Variants in HERC4 observed in about 807,000 individuals in gnomAD.
The protein encoded by HERC4 is HECT and RLD domain containing E3 ubiquitin protein ligase 4.
HERC4 carries 28 observed loss-of-function variants against 124.3 expected under a neutral mutation model. The observed-to-expected ratio is 0.23, with a 90% CI of 0.17 to 0.31. HERC4 has a LOEUF of 0.31. Among genes scored for constraint, HERC4 ranks in the 10% least tolerant of loss-of-function variants. The pLI is 1.00. For missense variants in HERC4, 713 were observed against 1,229.3 expected, an observed-to-expected ratio of 0.58 and a Z score of 6.28; for synonymous variants, 407 against 421.5, an observed-to-expected ratio of 0.97 and a Z score of 0.42.
chr10:67,990,986 C>T lies in HERC4; in HGVS notation c.1361G>A (p.Arg454Lys). The T allele has an allele frequency of 6.2e-7, 1 of 1,605,824 alleles. No homozygotes were observed. Among genetic ancestry groups the T allele is most frequent in the East Asian group, 2.2e-5 (1 of 44,636 alleles). ...SNDDHYRTGT[R>K]FSGVDMNAAR... ...AGCATTCATATCAACCCCTGAAAATCTGGTACCTGTTCTATAGTGATCATC... is the reference window on the plus strand; with the variant it reads ...AGCATTCATATCAACCCCTGAAAATTTGGTACCTGTTCTATAGTGATCATC... Residue 454 changes from arginine to lysine, a missense_variant, in exon 13 of 25, where the codon AGA (arginine) becomes AAA (lysine). By Grantham distance (26) the Arg-to-Lys change is conservative. Coordinates refer to ENST00000373700, the MANE Select transcript of HERC4 (RefSeq NM_015601.4).
chr10:68,030,826 C>A (rs1185523665), intron 7 of HERC4, among the ~76,000 whole-genome samples: 1 of 152,158 alleles, frequency 6.6e-6, no homozygotes, highest in Non-Finnish European at 1.5e-5. Context: ...AATGTGACAT[C>A]TTTATGGAAG....
intron 15 of HERC4, among the ~76,000 whole-genome samples, chr10:67,973,415 C>T (rs2035372401): frequency 6.6e-6 from 1 of 152,250 alleles, no homozygotes; most frequent in South Asian, 2.1e-4. Context: ...TAAAACAAGG[C>T]CCAATCCCGT....
intron 8 of HERC4, among the ~76,000 whole-genome samples, chr10:68,017,418 G>C (rs1158241859): frequency 1.3e-5 from 2 of 152,150 alleles, no homozygotes; most frequent in African/African-American, 4.8e-5. Context: ...ACTATTATAT[G>C]TCACTGACAT....
intron 7 of HERC4, 108 bp downstream of exon 7, chr10:68,032,670 A>T (rs992021176): frequency 9.3e-5 from 56 of 600,016 alleles, no homozygotes; most frequent in Admixed American, 1.6e-4. Context: ...TTATTTTTGA[A>T]ATACCAATAA....
At chr10:68,069,331 GA>G in intron 3 of HERC4, 2 of 981,998 alleles carry the variant, frequency 2.0e-6, no homozygotes, top group Non-Finnish European at 2.4e-6. Flanking sequence ...AAGTTCTTAT[GA>G]AGAAAAAAAC....
In HERC4 at chr10:68,070,086, A is replaced by G. The variant is rs779624886; in HGVS notation, c.226+2797T>C. 5.7e-5 allele frequency: 56 copies of G among 984,764 alleles called. 1 individual carries two copies. The highest frequency in any genetic ancestry group is 6.1e-5 in the Non-Finnish European group (51 of 829,398). The allele number at this position is 984,764 out of a possible 1,614,324, so 61.0% of individuals were successfully genotyped here. On this transcript the variant is annotated intron_variant, in intron 3 of 24. Coordinates refer to ENST00000373700, the MANE Select transcript of HERC4 (RefSeq NM_015601.4). ...AAAACAAAACAAAAACCTCCTGGGAAATGAACTATGTTTATTACATTGTCC... is the reference window on the plus strand; with the variant it reads ...AAAACAAAACAAAAACCTCCTGGGAGATGAACTATGTTTATTACATTGTCC...
chr10:67,954,796 G>C (rs981607709), intron 18 of HERC4, 58 bp from the exon 19 acceptor site: 46 of 1,522,580 alleles, frequency 3.0e-5, no homozygotes, highest in Non-Finnish European at 4.1e-5. Flanking sequence ...GTACATTCTG[G>C]AGACCCTAGA....
At chr10:68,030,926 AG>A (rs1452852283) in intron 7 of HERC4, among the ~76,000 whole-genome samples, 1 of 152,194 alleles carries the variant, frequency 6.6e-6, no homozygotes, top group Non-Finnish European at 1.5e-5. Context: ...AGTTTTCCTA[AG>A]GTAGGTTTTG....
chr10:68,016,952 A>G (rs2038308200), intron 8 of HERC4, among the ~76,000 whole-genome samples: 1 of 152,198 alleles, frequency 6.6e-6, no homozygotes. Flanking sequence ...ACAAAGGACT[A>G]ATAGAGTATG....
At chr10:67,959,179 A>G in intron 16 of HERC4, 1 of 1,534,994 alleles carries the variant, frequency 6.5e-7, no homozygotes, top group Non-Finnish European at 8.8e-7. Flanking sequence ...AGGAAAGAGC[A>G]ATATTAGTGT....
intron 8 of HERC4, among the ~76,000 whole-genome samples, chr10:68,019,031 T>G (rs1320844905): frequency 2.0e-5 from 3 of 149,256 alleles, no homozygotes; most frequent in Admixed American, 6.7e-5. Context: ...AGTTTCACTC[T>G]TGTTGCCCAG....
chr10:68,037,347 C>T (rs879373594), intron 5 of HERC4, among the ~76,000 whole-genome samples: 3 of 152,046 alleles, frequency 2.0e-5, no homozygotes, highest in African/African-American at 4.8e-5. Flanking sequence ...CTGCCCATCT[C>T]GGCCTCCCAA....
In HERC4 at chr10:67,929,819, A is replaced by ATTTTTTTTTTTTT. The variant is rs561065364; in HGVS notation, c.2838+2777_2838+2778insAAAAAAAAAAAAA. Among the ~76,000 whole-genome samples, 188 of 143,300 alleles carry ATTTTTTTTTTTTT rather than the reference A, an allele frequency of 1.3e-3. 1 individual carries two copies. Among genetic ancestry groups the ATTTTTTTTTTTTT allele is most frequent in the African/African-American group, 4.2e-3 (155 of 37,278 alleles). The allele number at this position is 143,300 out of a possible 152,430, so 94.0% of individuals were successfully genotyped here. A position where few individuals can be genotyped will look rare whatever the true frequency, so the allele number is the denominator to read the frequency against. ...TGTGAGACACCACACCCAGCTGTGCATTTTTTTTTTGAGATGGAGTTTCAC... is the reference window on the plus strand; with the variant it reads ...TGTGAGACACCACACCCAGCTGTGCATTTTTTTTTTTTTTTTTTTTTTTGAGATGGAGTTTCAC... On this transcript the variant is annotated intron_variant, in intron 23 of 24. Coordinates refer to ENST00000373700, the MANE Select transcript of HERC4 (RefSeq NM_015601.4).
intron 7 of HERC4, 97 bp downstream of exon 7, chr10:68,032,681 C>T (rs2133355346): frequency 1.5e-6 from 1 of 656,570 alleles, no homozygotes. Context: ...ATACCAATAA[C>T]ACTCAAGTTA....
intron 15 of HERC4, among the ~76,000 whole-genome samples, chr10:67,969,708 T>C (rs901036615): frequency 6.6e-6 from 1 of 151,928 alleles, no homozygotes; most frequent in African/African-American, 2.4e-5. Flanking sequence ...CTCAGAATCT[T>C]ATATCAGTAG....
chr10:67,948,099 A>C, intron 19 of HERC4, among the ~76,000 whole-genome samples: 1 of 130,316 alleles, frequency 7.7e-6, no homozygotes, highest in East Asian at 4.9e-4. Context: ...TATAGGATGC[A>C]AAAATAGTGT....
intron 3 of HERC4, among the ~76,000 whole-genome samples, chr10:68,044,805 A>C (rs1213084939): frequency 2.0e-5 from 3 of 152,168 alleles, no homozygotes; most frequent in African/African-American, 7.2e-5. Context: ...GGGCATAATC[A>C]ACTCAGAATA....
intron 15 of HERC4, among the ~76,000 whole-genome samples, chr10:67,977,445 C>T (rs2035662658): frequency 6.6e-6 from 1 of 152,170 alleles, no homozygotes. Flanking sequence ...TTGAGTGAGC[C>T]TGAAACTTCC....
Position 68,044,398 on chromosome 10 carries a change from TG to T in HERC4, c.386+5del, listed in dbSNP as rs564811403. 6.8e-5 allele frequency: 109 copies of T among 1,604,096 alleles called. 1 individual carries two copies. The South Asian group carries it at 1.1e-3, about 17-fold the overall frequency. ...TTAAGGACCTCTTTCTGGTCACCTTTGTTACCTGGGTACTCTGATGCATTCC... is the reference window on the plus strand; with the variant it reads ...TTAAGGACCTCTTTCTGGTCACCTTTTTACCTGGGTACTCTGATGCATTCC... On this transcript the variant is annotated splice_donor_5th_base_variant and intron_variant, in intron 4 of 24. Transcript: ENST00000373700.
Sources: allele counts gnomAD v4.1 joint callset (sites outside exome capture counted in the v4.1 genomes callset), GRCh38; gene constraint gnomAD v4.1.1; transcripts MANE v1.5; gene names NCBI Gene and HGNC (gene_info 2026-07-23, HGNC 2026-07-21).